The following FOCAD variants were observed in gnomAD, a reference collection of about 807,000 sequenced individuals.
FOCAD encodes the protein focadhesin.
Under a neutral mutation model 225.6 loss-of-function variants are expected in FOCAD, and 198 were observed. The ratio of observed to expected loss-of-function variants is 0.88; its 90% CI spans 0.78 to 0.99. The LOEUF is 0.99. FOCAD is among the 50% of genes least tolerant of loss of function. The pLI is 0.00. For synonymous variants in FOCAD, 897 were observed against 755.0 expected, an observed-to-expected ratio of 1.19 and a Z score of -3.08; for missense variants, 2,713 against 2,123.6, an observed-to-expected ratio of 1.28 and a Z score of -5.46.
chr9:20,780,212 T>A (rs183175452), intron 9 of FOCAD, among the ~76,000 whole-genome samples: 3 of 152,326 alleles, frequency 2.0e-5, no homozygotes, highest in Admixed American at 2.0e-4. Context: ...TAATCCTCAT[T>A]TTCACCCTCA....
In FOCAD at chr9:20,866,930, A is replaced by T; in HGVS notation, c.2108A>T (p.Asp703Val). The change falls in exon 18 of 44, where the codon GAC becomes GTC. Residue 703 changes from aspartate (D) to valine (V), a missense_variant and splice_region_variant. Physicochemically the swap from Asp to Val is radical, Grantham distance 152. Coordinates refer to ENST00000338382, the MANE Select transcript of FOCAD (RefSeq NM_001375567.1). ...SFLWTHTQNKDPIVANAAYRS... is the reference protein window; with the variant it reads ...SFLWTHTQNKVPIVANAAYRS... ...TTTTTTTTTTTTTACCCTATCTAGG[A>T]CCCAATTGTAGCAAATGCTGCATAT... 1 of 586,072 alleles carries T rather than the reference A, an allele frequency of 1.7e-6. No individual in the cohort carries two copies. The highest frequency in any genetic ancestry group is 2.8e-6 in the Non-Finnish European group (1 of 362,736). The allele number at this position is 586,072 out of a possible 1,614,324, so 36.3% of individuals were successfully genotyped here. A position where few individuals can be genotyped will look rare whatever the true frequency, so the allele number is the denominator to read the frequency against.
At chr9:20,847,240 C>T (rs947891998) in intron 15 of FOCAD, among the ~76,000 whole-genome samples, 1 of 109,512 alleles carries the variant, frequency 9.1e-6, no homozygotes, top group Non-Finnish European at 2.0e-5. Context: ...TCTCTCTTTA[C>T]CCGAGCCCTA....
At chr9:20,774,463 T>C (rs1818559997) in intron 8 of FOCAD, among the ~76,000 whole-genome samples, 1 of 152,232 alleles carries the variant, frequency 6.6e-6, no homozygotes, top group Non-Finnish European at 1.5e-5. Context: ...TTAGCTGGAA[T>C]ACTTCCACAA....
At chr9:20,722,289 A>T (rs956597513) in intron 4 of FOCAD, among the ~76,000 whole-genome samples, 2 of 151,924 alleles carry the variant, frequency 1.3e-5, no homozygotes, top group African/African-American at 4.8e-5. Context: ...TGTTCAAGTT[A>T]TGTTTCCCCC....
intron 25 of FOCAD, among the ~76,000 whole-genome samples, chr9:20,924,361 G>T (rs570690058): frequency 5.9e-5 from 9 of 152,138 alleles, no homozygotes; most frequent in Admixed American, 2.6e-4. Flanking sequence ...AAAAATATAG[G>T]CTTTGGAATA....
intron 26 of FOCAD, among the ~76,000 whole-genome samples, chr9:20,927,359 T>C (rs1835053017): frequency 6.6e-6 from 1 of 152,216 alleles, no homozygotes; most frequent in African/African-American, 2.4e-5. Flanking sequence ...TTTTTGTGAC[T>C]GTTGACACTT....
At chr9:20,659,433 A>AGAAAGAAAGAAG (rs1426363466) in intron 2 of FOCAD, among the ~76,000 whole-genome samples, 1 of 151,038 alleles carries the variant, frequency 6.6e-6, no homozygotes, top group African/African-American at 2.4e-5. Context: ...GGAGAAAGAA[A>AGAAAGAAAGAAG]GAAAGAAAGA....
chr9:20,671,760 C>G (rs188615917), intron 2 of FOCAD, among the ~76,000 whole-genome samples: 2 of 152,284 alleles, frequency 1.3e-5, no homozygotes, highest in Admixed American at 1.3e-4. Context: ...AATACAGTCA[C>G]CTTTGAAGAT....
At chr9:20,896,520 G>T (rs1832102662) in intron 21 of FOCAD, among the ~76,000 whole-genome samples, 1 of 151,778 alleles carries the variant, frequency 6.6e-6, no homozygotes, top group South Asian at 2.1e-4. Flanking sequence ...GTTATTAATT[G>T]TCAATTCAAT....
At chr9:20,665,623 C>T (rs1821878269) in intron 2 of FOCAD, among the ~76,000 whole-genome samples, 1 of 152,126 alleles carries the variant, frequency 6.6e-6, no homozygotes, top group African/African-American at 2.4e-5. Flanking sequence ...TGTGACAGCA[C>T]AAGCCTAAGC....
At chr9:20,778,830 A>T in intron 9 of FOCAD, 62 bp downstream of exon 9, 1 of 919,518 alleles carries the variant, frequency 1.1e-6, no homozygotes, top group South Asian at 1.4e-5. Context: ...GACAGGATTC[A>T]CTTGAACTAT....
At chr9:20,767,776 GC>G (rs1213903509) in intron 7 of FOCAD, among the ~76,000 whole-genome samples, 1 of 147,840 alleles carries the variant, frequency 6.8e-6, no homozygotes, top group Non-Finnish European at 1.5e-5. Context: ...TTTGTAGGTT[GC>G]CTGTTCACTC....
intron 1 of FOCAD, among the ~76,000 whole-genome samples, chr9:20,692,884 C>T (rs1320998657): frequency 6.6e-6 from 1 of 152,120 alleles, no homozygotes; most frequent in African/African-American, 2.4e-5. Context: ...GCAGCAAAGT[C>T]ACTTTGTAAA....
chr9:20,699,217 G>C (rs990556641), intron 1 of FOCAD, among the ~76,000 whole-genome samples: 3 of 152,164 alleles, frequency 2.0e-5, no homozygotes, highest in Non-Finnish European at 4.4e-5. Context: ...GCCAGATTGG[G>C]AGCAATTTCT....
intron 40 of FOCAD, among the ~76,000 whole-genome samples, chr9:20,987,717 T>C (rs1196388748): frequency 1.3e-5 from 2 of 152,192 alleles, no homozygotes; most frequent in Admixed American, 6.5e-5. Context: ...CTGAAATAAA[T>C]TTGATGTTGC....
At chr9:20,995,389 C>A (rs569011771) in intron 43 of FOCAD, among the ~76,000 whole-genome samples, 167 bp from the exon 44 acceptor site, 1 of 151,946 alleles carries the variant, frequency 6.6e-6, no homozygotes, top group African/African-American at 2.4e-5. Flanking sequence ...AACTTTCCCC[C>A]CAACATTTAT....
chr9:20,802,589 G>T (rs960198440), intron 11 of FOCAD, among the ~76,000 whole-genome samples: 1 of 152,136 alleles, frequency 6.6e-6, no homozygotes, highest in South Asian at 2.1e-4. Context: ...AATATATTAG[G>T]TGTATCTACC....
intron 11 of FOCAD, among the ~76,000 whole-genome samples, chr9:20,817,655 G>A (rs944232893): frequency 8.8e-6 from 1 of 114,182 alleles, no homozygotes; most frequent in African/African-American, 3.2e-5. Flanking sequence ...GAGGCCTTTT[G>A]TGGCTTTTTT....
At chr9:20,802,081 C>T (rs913940561) in intron 11 of FOCAD, among the ~76,000 whole-genome samples, 1 of 152,140 alleles carries the variant, frequency 6.6e-6, no homozygotes, top group Non-Finnish European at 1.5e-5. Flanking sequence ...AATGGGTAGA[C>T]ATGGCTACAA....
Sources: allele counts gnomAD v4.1 joint callset (sites outside exome capture counted in the v4.1 genomes callset), GRCh38; gene constraint gnomAD v4.1.1; transcripts MANE v1.5; gene names NCBI Gene and HGNC (gene_info 2026-07-23, HGNC 2026-07-21).